Variants in SYNPO2 observed in about 807,000 individuals in gnomAD.
SYNPO2 encodes synaptopodin-2.
In SYNPO2, 56 loss-of-function variants were observed where a neutral mutation model predicts 85.0. That is an observed-to-expected ratio of 0.66 (90% confidence interval 0.53 to 0.82). The LOEUF (loss-of-function observed/expected upper bound fraction) is 0.82. Ranked by LOEUF, SYNPO2 falls within the 40% of genes least tolerant of loss-of-function variation. The pLI, the probability that SYNPO2 is intolerant of heterozygous loss-of-function variation, is 0.00. For missense variants in SYNPO2, 1,575 were observed against 1,534.2 expected (o/e 1.03, Z -0.44); for synonymous variants, 602 against 591.1 (o/e 1.02, Z -0.27).
At chr4:119,026,084 G>C (rs777163304) in intron 2 of SYNPO2, among the ~76,000 whole-genome samples, 16 of 152,166 alleles carry the variant, frequency 1.1e-4, no homozygotes, top group Non-Finnish European at 1.6e-4. Flanking sequence ...ACTGGGCTGG[G>C]TCCACTTATT....
intron 4 of SYNPO2, among the ~76,000 whole-genome samples, chr4:119,056,245 G>T (rs2149202205): frequency 6.6e-6 from 1 of 152,266 alleles, no homozygotes; most frequent in Non-Finnish European, 1.5e-5. Context: ...GAGAACACAA[G>T]AGGTTTCATT....
At chr4:119,011,920 C>CT (rs548974684) in intron 1 of SYNPO2, among the ~76,000 whole-genome samples, 49,200 of 109,472 alleles carry the variant, frequency 0.45, 13,192 homozygotes, top group South Asian at 0.57. Flanking sequence ...TTTCTATAGA[C>CT]TTTTTTTTTT....
intron 1 of SYNPO2, among the ~76,000 whole-genome samples, chr4:118,976,249 T>C (rs899478048): frequency 1.4e-4 from 21 of 151,768 alleles, no homozygotes; most frequent in African/African-American, 5.1e-4. Context: ...GGCTCAGGAG[T>C]GAAGCTGCAG....
chr4:118,922,171 T>C (rs1276217436), intron 1 of SYNPO2, among the ~76,000 whole-genome samples: 3 of 152,126 alleles, frequency 2.0e-5, no homozygotes, highest in East Asian at 3.9e-4. Context: ...TTGAGTGTAA[T>C]TTTTTAGCCA....
chr4:118,990,247 G>A lies in SYNPO2; in HGVS notation c.106-33183G>A, dbSNP rs188438052. 2.0e-5 allele frequency among the ~76,000 whole-genome samples: 3 copies of A among 152,280 alleles called. No individual in the cohort carries two copies. The East Asian group carries it at 5.8e-4, about 29-fold the overall frequency. On this transcript the variant is annotated intron_variant, in intron 1 of 4. Coordinates refer to ENST00000307142, the MANE Select transcript of SYNPO2 (RefSeq NM_133477.3). Reference sequence around the variant, plus strand: ...GAACTGACAGCTCACATGGTGCACAGGATGGACCCTCAGGAAATGTTCTAT... The same window carrying A: ...GAACTGACAGCTCACATGGTGCACAAGATGGACCCTCAGGAAATGTTCTAT...
intron 4 of SYNPO2, among the ~76,000 whole-genome samples, chr4:119,044,306 C>A (rs974344811): frequency 6.6e-6 from 1 of 152,138 alleles, no homozygotes; most frequent in Non-Finnish European, 1.5e-5. Flanking sequence ...TTTGAAAATC[C>A]CACATAGTTT....
intron 1 of SYNPO2, among the ~76,000 whole-genome samples, chr4:118,969,792 A>G (rs1735467199): frequency 6.6e-6 from 1 of 151,656 alleles, no homozygotes. Context: ...TTTTGGTAAA[A>G]TATCAGTTAT....
At chr4:118,884,488 A>G (rs557482063), upstream of SYNPO2, among the ~76,000 whole-genome samples, 2 of 152,328 alleles carry the variant, frequency 1.3e-5, no homozygotes, top group East Asian at 3.9e-4. Flanking sequence ...TTTTGTACCT[A>G]TCTCTGTGTT....
chr4:118,879,753 C>G (rs1732039185), intron 1 of SYNPO2, among the ~76,000 whole-genome samples: 1 of 152,168 alleles, frequency 6.6e-6, no homozygotes, highest in African/African-American at 2.4e-5. Flanking sequence ...TCACTGGTCA[C>G]TGAACTGTCC....
At chr4:119,010,178 T>G (rs1737237582) in intron 1 of SYNPO2, among the ~76,000 whole-genome samples, 1 of 152,196 alleles carries the variant, frequency 6.6e-6, no homozygotes, top group Non-Finnish European at 1.5e-5. Context: ...TTTGCCTCAC[T>G]GGCTTCCCTT....
intron 1 of SYNPO2, among the ~76,000 whole-genome samples, chr4:118,874,045 TG>T (rs1274633315): frequency 1.3e-5 from 2 of 152,232 alleles, no homozygotes; most frequent in Non-Finnish European, 2.9e-5. Flanking sequence ...GTTTTATTTC[TG>T]GGTTCTCCAT....
chr4:118,952,258 GTTAAAT>G (rs1734727215), intron 1 of SYNPO2, among the ~76,000 whole-genome samples: 1 of 152,182 alleles, frequency 6.6e-6, no homozygotes, highest in African/African-American at 2.4e-5. Context: ...GAAAGAGATA[GTTAAAT>G]TAATCAAGAC....
At chr4:119,048,584 G>A (rs1332684750) in intron 4 of SYNPO2, among the ~76,000 whole-genome samples, 1 of 152,174 alleles carries the variant, frequency 6.6e-6, no homozygotes, top group African/African-American at 2.4e-5. Context: ...GAGAGAGGGA[G>A]GGAATTGCCA....
In SYNPO2 at chr4:118,968,539, C is replaced by T. The variant is rs183919541; in HGVS notation, c.106-54891C>T. ...TCGAAAGGTCACAGCTAAGAAAGCA[C>T]CCATAGGCATTTGCCTTGCCATTTA... On this transcript the variant is annotated intron_variant, in intron 1 of 4. Coordinates refer to ENST00000307142, the MANE Select transcript of SYNPO2 (RefSeq NM_133477.3). 8.5e-4 allele frequency among the ~76,000 whole-genome samples: 129 copies of T among 152,260 alleles called. 1 individual carries two copies. The Middle Eastern group carries it at 0.02, about 24-fold the overall frequency.
Position 119,057,984 on chromosome 4 carries a change from C to T in SYNPO2, c.*50C>T, listed in dbSNP as rs1212434218. 5.8e-6 allele frequency: 9 copies of T among 1,546,902 alleles called. No homozygotes were observed. The South Asian group carries it at 1.0e-4, about 17-fold the overall frequency. On this transcript the variant is annotated 3_prime_UTR_variant, in exon 5 of 5. Transcript: ENST00000307142. ...CAACTGTAGTTTTTTAAAAAAAACG[C>T]TCCTTTGTAGGGTTTTAAACTTTTC...
At chr4:118,873,152 A>G (rs1731834897) in intron 1 of SYNPO2, among the ~76,000 whole-genome samples, 1 of 152,216 alleles carries the variant, frequency 6.6e-6, no homozygotes, top group African/African-American at 2.4e-5. Flanking sequence ...TAGTGCTGCA[A>G]CAAACACACA....
intron 1 of SYNPO2, among the ~76,000 whole-genome samples, chr4:118,861,617 T>C (rs1731613217): frequency 6.6e-6 from 1 of 152,236 alleles, no homozygotes; most frequent in African/African-American, 2.4e-5. Context: ...CCCCAATGTA[T>C]GTTCTTGACA....
At position 118,862,627 on chromosome 4, in the gene SYNPO2, T is replaced by C. The variant is rs78140301; in HGVS notation, c.12+11687T>C. ...CATTCTGCTGATATGATATACTGCA[T>C]TGATTGATTTGCATATGTTGAACCA... is the stretch of plus-strand genomic sequence containing the variant. On this transcript the variant is annotated intron_variant, in intron 1 of 4. Transcript: ENST00000610556. Among the ~76,000 whole-genome samples, 1,021 of 152,308 alleles carry C rather than the reference T, an allele frequency of 6.7e-3. 10 individuals carry two copies. Among genetic ancestry groups the C allele is most frequent in the African/African-American group, 0.023 (970 of 41,554 alleles).
At chr4:118,945,077 A>G (rs1560895485) in intron 1 of SYNPO2, among the ~76,000 whole-genome samples, 3 of 152,228 alleles carry the variant, frequency 2.0e-5, no homozygotes, top group Admixed American at 2.0e-4. Flanking sequence ...AATGGTAATG[A>G]AGTACAGTAC....
Sources: allele counts gnomAD v4.1 joint callset (sites outside exome capture counted in the v4.1 genomes callset), GRCh38; gene constraint gnomAD v4.1.1; transcripts MANE v1.5; gene names NCBI Gene and HGNC (gene_info 2026-07-23, HGNC 2026-07-21).